The following ZNF804B variants were observed in gnomAD, a reference collection of about 807,000 sequenced individuals.
ZNF804B encodes zinc finger protein 804B.
In ZNF804B, 80 loss-of-function variants were observed where a neutral mutation model predicts 101.4. The observed-to-expected ratio is 0.79, with a 90% confidence interval of 0.66 to 0.95. The LOEUF (loss-of-function observed/expected upper bound fraction) is 0.95, where lower values mean the gene tolerates loss of function less well. ZNF804B is among the 40% of genes least tolerant of loss of function. ZNF804B has a pLI of 0.00. For synonymous variants in ZNF804B, 622 were observed against 558.8 expected, an observed-to-expected ratio of 1.11 and a Z score of -1.59; for missense variants, 1,673 against 1,561.9, an observed-to-expected ratio of 1.07 and a Z score of -1.20.
chr7:88,853,295 A>G (rs1791472825), intron 1 of ZNF804B, among the ~76,000 whole-genome samples: 1 of 152,110 alleles, frequency 6.6e-6, no homozygotes, highest in Admixed American at 6.6e-5. Context: ...CTGAAGGGTG[A>G]ATAAGGAGGA....
At chr7:88,884,600 G>A (rs1792095230) in intron 1 of ZNF804B, among the ~76,000 whole-genome samples, 1 of 151,584 alleles carries the variant, frequency 6.6e-6, no homozygotes, top group East Asian at 1.9e-4. Flanking sequence ...AAGAAGCTTG[G>A]CATTTTATAT....
At position 88,854,410 on chromosome 7, in the gene ZNF804B, T is replaced by TCTTC. The variant is rs1438172000; in HGVS notation, c.108+94330_108+94333dup. On this transcript the variant is annotated intron_variant, in intron 1 of 3. Transcript: ENST00000333190. ...GCATTTCTTTCTTTCTTTCTTTCTT[T>TCTTC]CTTCCTTTCTTTCTTTCTTTCTTTC... 4.7e-4 allele frequency among the ~76,000 whole-genome samples: 62 copies of TCTTC among 132,714 alleles called. 1 individual carries two copies. The highest frequency in any genetic ancestry group is 3.4e-3 in the South Asian group (14 of 4,124). The allele number at this position is 132,714 out of a possible 152,430, so 87.1% of individuals were successfully genotyped here.
In ZNF804B at chr7:88,972,882, T is replaced by C. The variant is rs148799093; in HGVS notation, c.108+212798T>C. ...ACAGGAGTACATATAGCGTTATGAGTGACAGACTTGCAGATTGAATTTCTA... is the reference window on the plus strand; with the variant it reads ...ACAGGAGTACATATAGCGTTATGAGCGACAGACTTGCAGATTGAATTTCTA... On this transcript the variant is annotated intron_variant, in intron 1 of 3. Coordinates refer to ENST00000333190, the MANE Select transcript of ZNF804B (RefSeq NM_181646.5). Among the ~76,000 whole-genome samples, 464 of 151,478 alleles carry C rather than the reference T, an allele frequency of 3.1e-3. 2 individuals carry two copies. The highest frequency in any genetic ancestry group is 0.011 in the African/African-American group (439 of 41,452).
chr7:89,073,464 T>G (rs1367121832), intron 1 of ZNF804B, among the ~76,000 whole-genome samples: 1 of 152,212 alleles, frequency 6.6e-6, no homozygotes, highest in African/African-American at 2.4e-5. Context: ...TTTTATCTAA[T>G]AGGTTTTCTG....
intron 1 of ZNF804B, among the ~76,000 whole-genome samples, chr7:88,982,249 A>G (rs151203097): frequency 6.6e-6 from 1 of 152,174 alleles, no homozygotes; most frequent in East Asian, 1.9e-4. Flanking sequence ...GTCGCCTAGC[A>G]TCTTTAATGA....
intron 1 of ZNF804B, among the ~76,000 whole-genome samples, chr7:89,141,978 TTTATTC>T (rs1215076825): frequency 1.3e-5 from 2 of 151,872 alleles, no homozygotes; most frequent in Middle Eastern, 3.4e-3. Flanking sequence ...ATACCAGACA[TTTATTC>T]CATCCCTAAA....
intron 1 of ZNF804B, among the ~76,000 whole-genome samples, chr7:89,177,659 G>T (rs929117530): frequency 7.9e-5 from 12 of 152,154 alleles, no homozygotes; most frequent in Non-Finnish European, 1.8e-4. Context: ...AGGTTTCTTT[G>T]TTGATTATCT....
chr7:88,900,647 T>C (rs975425662), intron 1 of ZNF804B, among the ~76,000 whole-genome samples: 4 of 150,500 alleles, frequency 2.7e-5, no homozygotes, highest in African/African-American at 9.8e-5. Context: ...TATACTCCCA[T>C]GTGGGTTTAG....
chr7:89,197,191 G>C, intron 1 of ZNF804B, among the ~76,000 whole-genome samples: 1 of 151,882 alleles, frequency 6.6e-6, no homozygotes, highest in East Asian at 1.9e-4. Context: ...ATCCTGCAGA[G>C]ATAGCCCTGA....
At chr7:88,817,648 C>G (rs770205076) in intron 1 of ZNF804B, among the ~76,000 whole-genome samples, 2 of 152,052 alleles carry the variant, frequency 1.3e-5, no homozygotes, top group Admixed American at 1.3e-4. Flanking sequence ...TACCCTGCAC[C>G]CAGTATACCT....
At chr7:89,110,155 A>G (rs1413231372) in intron 1 of ZNF804B, among the ~76,000 whole-genome samples, 2 of 152,140 alleles carry the variant, frequency 1.3e-5, no homozygotes, top group African/African-American at 4.8e-5. Flanking sequence ...GTGGGGTGCT[A>G]GGTAAAGGTG....
chr7:89,123,479 G>T (rs17166893), intron 1 of ZNF804B, among the ~76,000 whole-genome samples: 8 of 152,150 alleles, frequency 5.3e-5, no homozygotes, highest in African/African-American at 1.9e-4. Context: ...TTCATTTAAT[G>T]TAAGAAGTAT....
At chr7:88,929,395 T>G (rs2116015799) in intron 1 of ZNF804B, among the ~76,000 whole-genome samples, 1 of 152,072 alleles carries the variant, frequency 6.6e-6, no homozygotes, top group South Asian at 2.1e-4. Flanking sequence ...ACTTACACAC[T>G]TACCAGTACA....
At chr7:89,241,405 C>A (rs573567772) in intron 2 of ZNF804B, among the ~76,000 whole-genome samples, 73 of 152,150 alleles carry the variant, frequency 4.8e-4, no homozygotes, top group African/African-American at 1.6e-3. Flanking sequence ...TGTTTCCTGG[C>A]CCCCTGAAAT....
In ZNF804B at chr7:88,941,387, A is replaced by G. The variant is rs148905348; in HGVS notation, c.108+181303A>G. ...AAGATGTCCTTCGTTGAGTGGATAA[A>G]TAAACTGTAATGCATTTAGATAAGG... On this transcript the variant is annotated intron_variant, in intron 1 of 3. Coordinates refer to ENST00000333190, the MANE Select transcript of ZNF804B (RefSeq NM_181646.5). 7.6e-3 allele frequency among the ~76,000 whole-genome samples: 1,157 copies of G among 152,164 alleles called. 11 individuals are homozygous for G. The highest frequency in any genetic ancestry group is 0.014 in the Admixed American group (214 of 15,252).
At chr7:89,319,577 G>T (rs193284936) in intron 2 of ZNF804B, among the ~76,000 whole-genome samples, 1 of 152,228 alleles carries the variant, frequency 6.6e-6, no homozygotes, top group Admixed American at 6.5e-5. Context: ...GCCTGTTTAC[G>T]CGTGAAAACA....
intron 1 of ZNF804B, among the ~76,000 whole-genome samples, chr7:88,813,979 G>A (rs1790834206): frequency 6.6e-6 from 1 of 152,100 alleles, no homozygotes; most frequent in Admixed American, 6.6e-5. Context: ...GCACCATCAG[G>A]CTAAATAGTA....
chr7:89,210,158 AG>A (rs1788780806), intron 1 of ZNF804B, among the ~76,000 whole-genome samples: 1 of 151,478 alleles, frequency 6.6e-6, no homozygotes, highest in Non-Finnish European at 1.5e-5. Flanking sequence ...AAAAAAAAAA[AG>A]AAAGAAATCA....
chr7:89,049,038 A>G (rs1789156644), intron 1 of ZNF804B, among the ~76,000 whole-genome samples: 2 of 152,016 alleles, frequency 1.3e-5, no homozygotes, highest in Non-Finnish European at 2.9e-5. Context: ...GAGTATTTGT[A>G]GTCAGTTTTC....
Sources: allele counts gnomAD v4.1 joint callset (sites outside exome capture counted in the v4.1 genomes callset), GRCh38; gene constraint gnomAD v4.1.1; transcripts MANE v1.5; gene names NCBI Gene and HGNC (gene_info 2026-07-23, HGNC 2026-07-21).